COL14A1: variants seen among roughly 807,000 people sequenced by gnomAD.
COL14A1 encodes collagen type XIV alpha 1 chain.
A neutral mutation model predicts 230.3 loss-of-function variants in COL14A1; 136 were observed. The ratio of observed to expected loss-of-function variants is 0.59; its 90% confidence interval spans 0.51 to 0.68. The LOEUF (loss-of-function observed/expected upper bound fraction) is 0.68. Among genes scored for constraint, COL14A1 ranks in the 30% least tolerant of loss-of-function variants. COL14A1 has a pLI of 0.00. For synonymous variants in COL14A1, 792 were observed against 784.1 expected (o/e 1.01, Z -0.17); for missense variants, 1,976 against 2,215.8 (o/e 0.89, Z 2.17).
rs962510256 is a variant in COL14A1, at chr8:120,224,023, C to CTTTTT, written c.1738-1048_1738-1044dup. On this transcript the variant is annotated intron_variant, in intron 14 of 47. Coordinates refer to ENST00000297848, the MANE Select transcript of COL14A1 (RefSeq NM_021110.4). ...GCCTTCTAGACCCTGCCCTCATCTC[C>CTTTTT]TTTTTTTTTTTTTTTTTTTTTGAGA... Among the ~76,000 whole-genome samples the CTTTTT allele has an allele frequency of 2.3e-4, 18 of 78,280 alleles. 4 individuals are homozygous for CTTTTT. The highest frequency in any genetic ancestry group is 2.7e-4 in the Non-Finnish European group (12 of 44,670). The allele number at this position is 78,280 out of a possible 152,430, so 51.4% of individuals were successfully genotyped here. A position where few individuals can be genotyped will look rare whatever the true frequency, so the allele number is the denominator to read the frequency against.
At chr8:120,131,384 C>G (rs35529075) in intron 1 of COL14A1, among the ~76,000 whole-genome samples, 54,610 of 145,982 alleles carry the variant, frequency 0.37, 11,229 homozygotes, top group East Asian at 0.57. Context: ...TTTTTTTTGA[C>G]TTTTTAATGA....
intron 41 of COL14A1, 30 bp downstream of exon 41, chr8:120,332,224 A>G: frequency 1.3e-6 from 2 of 1,599,930 alleles, no homozygotes; most frequent in Non-Finnish European, 1.7e-6. Context: ...ACTGGGACAT[A>G]CTCTGTTTTA....
chr8:120,208,088 G>A, intron 10 of COL14A1, 144 bp from the exon 11 acceptor site: 2 of 720,082 alleles, frequency 2.8e-6, no homozygotes, highest in Non-Finnish European at 4.3e-6. Context: ...AAAGAGAGTT[G>A]ACTGCCACAG....
intron 36 of COL14A1, among the ~76,000 whole-genome samples, chr8:120,303,843 A>G (rs1820785811): frequency 1.3e-5 from 2 of 152,104 alleles, no homozygotes; most frequent in Admixed American, 1.3e-4. Flanking sequence ...ATCTTGTAGA[A>G]TTTGACTGTG....
At chr8:120,154,762 A>G (rs911713281) in intron 2 of COL14A1, among the ~76,000 whole-genome samples, 1 of 152,142 alleles carries the variant, frequency 6.6e-6, no homozygotes, top group Non-Finnish European at 1.5e-5. Flanking sequence ...AAACGTTTAT[A>G]ATTATTAATG....
At chr8:120,346,610 C>A (rs2130293029) in intron 45 of COL14A1, among the ~76,000 whole-genome samples, 1 of 152,316 alleles carries the variant, frequency 6.6e-6, no homozygotes, top group Non-Finnish European at 1.5e-5. Context: ...CACTTTTGTA[C>A]ACATTGTTTT....
chr8:120,346,200 A>G (rs1822503031), intron 45 of COL14A1, among the ~76,000 whole-genome samples: 1 of 146,912 alleles, frequency 6.8e-6, no homozygotes, highest in African/African-American at 2.6e-5. Flanking sequence ...AAGTTTCCTT[A>G]AAACAGAGAT....
At chr8:120,175,110 CAG>C (rs1332710891) in intron 5 of COL14A1, among the ~76,000 whole-genome samples, 1 of 152,208 alleles carries the variant, frequency 6.6e-6, no homozygotes, top group Non-Finnish European at 1.5e-5. Context: ...AGTTTAAACG[CAG>C]AGTTAAGATC....
intron 45 of COL14A1, among the ~76,000 whole-genome samples, chr8:120,363,433 AG>A: frequency 6.6e-6 from 1 of 152,240 alleles, no homozygotes; most frequent in Non-Finnish European, 1.5e-5. Context: ...AGGAGGGGCA[AG>A]GGGAGGAAGA....
chr8:120,128,231 G>A (rs1303352627), intron 1 of COL14A1, among the ~76,000 whole-genome samples: 1 of 32,536 alleles, frequency 3.1e-5, no homozygotes, highest in African/African-American at 2.1e-4. Flanking sequence ...GCGCGCGCGT[G>A]TGTGTGTGTG....
chr8:120,136,949 G>A (rs906483763), intron 1 of COL14A1, among the ~76,000 whole-genome samples: 11 of 113,694 alleles, frequency 9.7e-5, no homozygotes, highest in Non-Finnish European at 1.7e-4. Context: ...GTGACAGTGA[G>A]AGTCTGTCTC....
At chr8:120,136,656 T>C (rs1210720921) in intron 1 of COL14A1, among the ~76,000 whole-genome samples, 1 of 152,054 alleles carries the variant, frequency 6.6e-6, no homozygotes, top group Admixed American at 6.5e-5. Context: ...TGATGCTGTC[T>C]AGTTTTGATA....
intron 1 of COL14A1, among the ~76,000 whole-genome samples, chr8:120,141,931 C>G (rs1285223208): frequency 6.6e-6 from 1 of 152,146 alleles, no homozygotes; most frequent in Non-Finnish European, 1.5e-5. Flanking sequence ...CAGAGTCTCA[C>G]TGAGTTGCTC....
chr8:120,232,609 A>G (rs1251796936), intron 19 of COL14A1, among the ~76,000 whole-genome samples: 2 of 152,030 alleles, frequency 1.3e-5, no homozygotes, highest in Admixed American at 1.3e-4. Context: ...ATCCTTTTTT[A>G]TGGCTGCATA....
intron 20 of COL14A1, among the ~76,000 whole-genome samples, chr8:120,246,503 C>A (rs1818769364): frequency 1.3e-5 from 2 of 152,182 alleles, no homozygotes; most frequent in Admixed American, 1.3e-4. Flanking sequence ...ACCAAAATCA[C>A]AGACTTAAGC....
chr8:120,174,214 T>C (rs937913018), intron 5 of COL14A1, among the ~76,000 whole-genome samples: 1 of 152,108 alleles, frequency 6.6e-6, no homozygotes, highest in African/African-American at 2.4e-5. Context: ...GGTTTGTTAA[T>C]ATTTTTAAGG....
intron 45 of COL14A1, among the ~76,000 whole-genome samples, chr8:120,350,911 C>T (rs1262741188): frequency 6.6e-6 from 1 of 150,700 alleles, no homozygotes; most frequent in Non-Finnish European, 1.5e-5. Flanking sequence ...CAGAACTCTC[C>T]ACCCCAAATC....
chr8:120,199,596 T>G, intron 8 of COL14A1, 30 bp downstream of exon 8: 1 of 1,595,964 alleles, frequency 6.3e-7, no homozygotes, highest in Non-Finnish European at 8.5e-7. Context: ...TTGTTTCAAC[T>G]AAGGGCATAG....
chr8:120,361,538 A>G (rs550049631), intron 45 of COL14A1, among the ~76,000 whole-genome samples: 22 of 152,228 alleles, frequency 1.4e-4, no homozygotes, highest in Non-Finnish European at 2.1e-4. Flanking sequence ...CCTTGCTCTT[A>G]GTAGGCATTC....
Sources: gnomAD v4.1 joint callset for allele counts (sites outside exome capture counted in the v4.1 genomes callset) on GRCh38, gnomAD v4.1.1 for gene constraint, MANE v1.5 for transcripts, NCBI Gene and HGNC (gene_info 2026-07-23, HGNC 2026-07-21) for gene names.